NMT2: variants seen among roughly 807,000 people sequenced by gnomAD.
The protein encoded by NMT2 is glycylpeptide N-tetradecanoyltransferase 2.
Under a neutral mutation model 65.4 loss-of-function variants are expected in NMT2, and 35 were observed. The ratio of observed to expected loss-of-function variants is 0.54; its 90% CI spans 0.41 to 0.71. NMT2 has a LOEUF of 0.71. Among genes scored for constraint, NMT2 ranks in the 30% least tolerant of loss-of-function variants. The probability of loss-of-function intolerance (pLI) is 0.00; values close to 1 mark genes in which losing one functional copy is unlikely to be tolerated. For missense variants in NMT2, 489 were observed against 611.3 expected (o/e 0.80, Z 2.11); for synonymous variants, 226 against 231.8 (o/e 0.98, Z 0.23).
Position 15,130,128 on chromosome 10 carries a change from T to C in NMT2, c.890+14A>G. On this transcript the variant is annotated intron_variant, in intron 7 of 11. Transcript: ENST00000378165. ...ATAAAGGGAGGACCTGAGGTAGAAA[T>C]ATGGTACTGGTACCTGCATGTGGCT... The C allele has an allele frequency of 1.4e-6, 2 of 1,455,392 alleles. No homozygotes were observed. The highest frequency in any genetic ancestry group is 9.1e-7 in the Non-Finnish European group (1 of 1,095,854). 90.2% of individuals were successfully genotyped at this position (1,455,392 alleles called of 1,614,324 possible).
At chr10:15,137,175 G>C (rs1322608783) in intron 2 of NMT2, among the ~76,000 whole-genome samples, 1 of 152,080 alleles carries the variant, frequency 6.6e-6, no homozygotes, top group East Asian at 1.9e-4. Context: ...ATTTTAACTT[G>C]GGAAGCTTAC....
At chr10:15,113,463 C>CAAAAAAAAAAAAAAAAAAAAA (rs1169255963) in intron 9 of NMT2, among the ~76,000 whole-genome samples, 14 of 37,004 alleles carry the variant, frequency 3.8e-4, no homozygotes, top group African/African-American at 1.1e-3. Context: ...GGATGAGACT[C>CAAAAAAAAAAAAAAAAAAAAA]AAAAAAAAAA....
At chr10:15,153,560 G>A (rs752562462) in intron 1 of NMT2, among the ~76,000 whole-genome samples, 9 of 152,126 alleles carry the variant, frequency 5.9e-5, no homozygotes, top group East Asian at 3.9e-4. Flanking sequence ...CTCTGAATAC[G>A]TCACACTACT....
chr10:15,122,435 T>A (rs1462834661), intron 8 of NMT2, among the ~76,000 whole-genome samples: 2 of 151,994 alleles, frequency 1.3e-5, no homozygotes, highest in African/African-American at 4.8e-5. Flanking sequence ...TTTTTTTTTT[T>A]GAGATGGAGT....
At chr10:15,124,114 C>A (rs1390598729) in intron 8 of NMT2, among the ~76,000 whole-genome samples, 1 of 152,148 alleles carries the variant, frequency 6.6e-6, no homozygotes, top group African/African-American at 2.4e-5. Context: ...GTGCTAAGAC[C>A]TTAGTGGATC....
At chr10:15,158,300 A>T (rs943461750) in intron 1 of NMT2, among the ~76,000 whole-genome samples, 6 of 150,746 alleles carry the variant, frequency 4.0e-5, no homozygotes, top group African/African-American at 1.5e-4. Flanking sequence ...TGGGTAACAG[A>T]GAGATACTCT....
chr10:15,135,165 T>C, intron 3 of NMT2, 109 bp downstream of exon 3: 1 of 1,093,494 alleles, frequency 9.1e-7, no homozygotes, highest in Non-Finnish European at 1.4e-6. Context: ...AAATAAATGA[T>C]ACATGTGAAG....
chr10:15,113,391 A>AC (rs1179657064), intron 9 of NMT2, among the ~76,000 whole-genome samples: 2 of 136,764 alleles, frequency 1.5e-5, no homozygotes, highest in African/African-American at 5.8e-5. Flanking sequence ...AATCGCTTGA[A>AC]CCCCAGAGGC....
At position 15,123,186 on chromosome 10, in the gene NMT2, A is replaced by C. The variant is rs143464576; in HGVS notation, c.1000-3673T>G. Among the ~76,000 whole-genome samples, 479 of 152,334 alleles carry C rather than the reference A, an allele frequency of 3.1e-3. 5 individuals carry two copies. Among genetic ancestry groups the C allele is most frequent in the African/African-American group, 0.011 (446 of 41,586 alleles). ...CCAGGATGTACCAGCTATAAAAAAC[A>C]GAAAGTCCTAGAAAACAGGGTAAGA... On this transcript the variant is annotated intron_variant, in intron 8 of 11. Coordinates refer to ENST00000378165, the MANE Select transcript of NMT2 (RefSeq NM_004808.3).
chr10:15,132,950 C>T lies in NMT2; in HGVS notation c.603-17G>A. 6.2e-7 allele frequency: 1 copy of T among 1,606,346 alleles called. No homozygotes were observed. Among genetic ancestry groups the T allele is most frequent in the African/African-American group, 1.3e-5 (1 of 74,774 alleles). On this transcript the variant is annotated splice_polypyrimidine_tract_variant and intron_variant, in intron 5 of 11. Transcript: ENST00000378165. ...CGCAGAGCCCTGAGGTCACGGTAGA[C>T]AAGAAAACAGGCACCAGTTATTGTC...
chr10:15,129,832 C>G (rs916080896), intron 7 of NMT2, among the ~76,000 whole-genome samples: 2 of 150,820 alleles, frequency 1.3e-5, no homozygotes, highest in Non-Finnish European at 2.9e-5. Flanking sequence ...TCACTTGAAC[C>G]CAGGAGGCGA....
In NMT2 at chr10:15,112,775, G is replaced by A. The variant is rs761324553; in HGVS notation, c.1338+21C>T. On this transcript the variant is annotated intron_variant, in intron 10 of 11. Transcript: ENST00000378165. ...AGACATTTGGAGAACCAAACGGCGTGAACAGGAAGGAGTGGCTTACCGATT... is the reference window on the plus strand; with the variant it reads ...AGACATTTGGAGAACCAAACGGCGTAAACAGGAAGGAGTGGCTTACCGATT... 2.6e-5 allele frequency: 42 copies of A among 1,596,620 alleles called. No homozygotes were observed. In the Middle Eastern group the frequency reaches 1.3e-3, roughly 51 times the overall value.
chr10:15,108,392 G>A lies in NMT2; in HGVS notation c.*803C>T, dbSNP rs188293293. ...AGTAGAGATGGGGTTTCACTATGTT[G>A]GCCAGAATGGTCTCGATCTCCTGAC... On this transcript the variant is annotated 3_prime_UTR_variant, in exon 12 of 12. Coordinates refer to ENST00000378165, the MANE Select transcript of NMT2 (RefSeq NM_004808.3). The A allele has an allele frequency of 2.0e-3, 1,145 of 562,350 alleles. 4 individuals are homozygous for A. Among genetic ancestry groups the A allele is most frequent in the African/African-American group, 0.013 (642 of 48,576 alleles). 34.8% of individuals were successfully genotyped at this position (562,350 alleles called of 1,614,324 possible). A position where few individuals can be genotyped will look rare whatever the true frequency, so the allele number is the denominator to read the frequency against.
At chr10:15,123,207 T>C (rs550654574) in intron 8 of NMT2, among the ~76,000 whole-genome samples, 9 of 152,176 alleles carry the variant, frequency 5.9e-5, no homozygotes, top group Admixed American at 4.6e-4. Context: ...GAAAACAGGG[T>C]AAGAATATTT....
chr10:15,156,236 G>C (rs1401576224), intron 1 of NMT2, among the ~76,000 whole-genome samples: 1 of 152,086 alleles, frequency 6.6e-6, no homozygotes, highest in Non-Finnish European at 1.5e-5. Flanking sequence ...CCCTCATGCT[G>C]TACTCATGAC....
chr10:15,123,954 A>C (rs1452003810), intron 8 of NMT2, among the ~76,000 whole-genome samples: 1 of 152,224 alleles, frequency 6.6e-6, no homozygotes, highest in African/African-American at 2.4e-5. Flanking sequence ...ATTCCAGAGA[A>C]GAGATGTAAG....
intron 8 of NMT2, among the ~76,000 whole-genome samples, chr10:15,126,490 A>G (rs1392037209): frequency 6.6e-6 from 1 of 151,830 alleles, no homozygotes; most frequent in Non-Finnish European, 1.5e-5. Context: ...AATCACCTGC[A>G]TAGGGTTCTG....
intron 8 of NMT2, among the ~76,000 whole-genome samples, chr10:15,126,024 A>G (rs72776105): frequency 0.035 from 5,323 of 152,108 alleles, 116 homozygotes; most frequent in East Asian, 0.061. Flanking sequence ...CATCAGTGGC[A>G]CACAGATTCT....
intron 1 of NMT2, among the ~76,000 whole-genome samples, chr10:15,156,307 C>G (rs1457596483): frequency 6.6e-6 from 1 of 152,162 alleles, no homozygotes; most frequent in Non-Finnish European, 1.5e-5. Flanking sequence ...CCCTCACTCT[C>G]ATTCTTCTCT....
Sources: gnomAD v4.1 joint callset for allele counts (sites outside exome capture counted in the v4.1 genomes callset) on GRCh38, gnomAD v4.1.1 for gene constraint, MANE v1.5 for transcripts, NCBI Gene and HGNC (gene_info 2026-07-23, HGNC 2026-07-21) for gene names.